Variants in TNRC6A observed in about 807,000 individuals in gnomAD.
TNRC6A encodes the protein trinucleotide repeat containing adaptor 6A.
TNRC6A carries 44 observed loss-of-function variants against 221.2 expected under a neutral mutation model. That is an observed-to-expected ratio of 0.20 (90% confidence interval 0.16 to 0.26). The LOEUF (loss-of-function observed/expected upper bound fraction) is 0.26, where lower values mean the gene tolerates loss of function less well. TNRC6A is among the 10% of genes least tolerant of loss of function. The pLI is 1.00. For synonymous variants in TNRC6A, 847 were observed against 838.5 expected (o/e 1.01, Z -0.18); for missense variants, 2,199 against 2,404.4 (o/e 0.91, Z 1.79).
At chr16:24,776,475 T>G in intron 4 of TNRC6A, 1 of 985,458 alleles carries the variant, frequency 1.0e-6, no homozygotes, top group South Asian at 4.7e-5. Context: ...TGTTCTTGTG[T>G]TGTCTTCCAA....
At chr16:24,707,303 C>T (rs1052756205) in intron 2 of TNRC6A, among the ~76,000 whole-genome samples, 33 of 151,302 alleles carry the variant, frequency 2.2e-4, no homozygotes, top group African/African-American at 8.0e-4. Flanking sequence ...GCCAGATAAA[C>T]AATTTAAATG....
At chr16:24,647,990 G>A (rs1417285776) in intron 2 of TNRC6A, among the ~76,000 whole-genome samples, 2 of 151,914 alleles carry the variant, frequency 1.3e-5, no homozygotes, top group Non-Finnish European at 2.9e-5. Flanking sequence ...TCTTTTGTTG[G>A]GCTTATTTCA....
chr16:24,698,178 AAG>A (rs1383293855), intron 2 of TNRC6A, among the ~76,000 whole-genome samples: 1 of 152,146 alleles, frequency 6.6e-6, no homozygotes, highest in Non-Finnish European at 1.5e-5. Context: ...AAAAATTAAA[AAG>A]AAAACAAAAA....
At chr16:24,717,758 C>CTTTTTT in intron 2 of TNRC6A, among the ~76,000 whole-genome samples, 1 of 116,826 alleles carries the variant, frequency 8.6e-6, no homozygotes, top group Non-Finnish European at 1.8e-5. Context: ...CAAGGTTCAT[C>CTTTTTT]TTTTTTTTTT....
At chr16:24,820,060 A>G in intron 21 of TNRC6A, 79 bp from the exon 22 acceptor site, 1 of 1,325,636 alleles carries the variant, frequency 7.5e-7, no homozygotes, top group Non-Finnish European at 1.1e-6. Context: ...TTTTTGTGGG[A>G]GAATGGATGT....
At position 24,771,561 on chromosome 16, in the gene TNRC6A, T is replaced by TATGTTATGTTATGTTTTATG. The variant is rs1555502085; in HGVS notation, c.164-5372_164-5371insATGTTATGTTATGTTTTATG. Reference sequence around the variant, plus strand: ...TATGTTATGTTATGTTATGTTATGTTTTATGTTATGTTATGTTATGTTGTT... The same window carrying TATGTTATGTTATGTTTTATG: ...TATGTTATGTTATGTTATGTTATGTTATGTTATGTTATGTTTTATGTTATGTTATGTTATGTTATGTTGTT... On this transcript the variant is annotated intron_variant, in intron 4 of 24. Coordinates refer to ENST00000395799, the MANE Select transcript of TNRC6A (RefSeq NM_014494.4). Among the ~76,000 whole-genome samples the TATGTTATGTTATGTTTTATG allele has an allele frequency of 1.7e-3, 168 of 99,150 alleles. 1 individual carries two copies. Among genetic ancestry groups the TATGTTATGTTATGTTTTATG allele is most frequent in the Middle Eastern group, 5.0e-3 (1 of 202 alleles). 65.0% of individuals were successfully genotyped at this position (99,150 alleles called of 152,430 possible).
At chr16:24,805,364 C>A (rs1276843683) in intron 14 of TNRC6A, 5 of 951,034 alleles carry the variant, frequency 5.3e-6, no homozygotes, top group East Asian at 2.6e-5. Context: ...TTAAAACATT[C>A]TTGAGAGTAG....
intron 2 of TNRC6A, among the ~76,000 whole-genome samples, chr16:24,722,882 C>A (rs934110314): frequency 6.6e-6 from 1 of 152,036 alleles, no homozygotes; most frequent in African/African-American, 2.4e-5. Context: ...AGAGACCAGA[C>A]GAGTTGCTTA....
chr16:24,753,742 T>C (rs1486634292), intron 3 of TNRC6A, among the ~76,000 whole-genome samples: 1 of 152,270 alleles, frequency 6.6e-6, no homozygotes. Flanking sequence ...TTTATATAAA[T>C]GTTGGCACAT....
chr16:24,664,808 C>A (rs886177843), intron 2 of TNRC6A: 3 of 439,612 alleles, frequency 6.8e-6, no homozygotes, highest in African/African-American at 6.5e-5. Flanking sequence ...CACACACACA[C>A]ACACAAAACC....
chr16:24,783,904 T>C (rs1291107177), intron 5 of TNRC6A, among the ~76,000 whole-genome samples: 1 of 152,268 alleles, frequency 6.6e-6, no homozygotes, highest in East Asian at 1.9e-4. Flanking sequence ...AATCTCTGAC[T>C]CTGAAACATA....
At chr16:24,651,422 C>G (rs1902643204) in intron 2 of TNRC6A, among the ~76,000 whole-genome samples, 1 of 151,300 alleles carries the variant, frequency 6.6e-6, no homozygotes, top group African/African-American at 2.4e-5. Flanking sequence ...CCTGTAATCC[C>G]AGCTACTCAG....
intron 11 of TNRC6A, chr16:24,798,261 T>C: frequency 4.5e-6 from 1 of 221,762 alleles, no homozygotes; most frequent in Non-Finnish European, 8.8e-6. Flanking sequence ...GGCCTAGATG[T>C]ATGACAGACT....
chr16:24,741,860 A>G (rs2056899333), intron 2 of TNRC6A, among the ~76,000 whole-genome samples: 1 of 152,036 alleles, frequency 6.6e-6, no homozygotes, highest in African/African-American at 2.4e-5. Context: ...TTTGGGGGAC[A>G]TGGTCTTGCT....
At chr16:24,752,606 C>T (rs940838653) in intron 3 of TNRC6A, among the ~76,000 whole-genome samples, 9 of 152,078 alleles carry the variant, frequency 5.9e-5, no homozygotes, top group African/African-American at 1.7e-4. Context: ...GGTCATTGCT[C>T]GAGATTTCTT....
chr16:24,793,766 C>T, intron 7 of TNRC6A, 117 bp downstream of exon 7: 5 of 876,380 alleles, frequency 5.7e-6, no homozygotes, highest in Non-Finnish European at 7.6e-6. Context: ...TATAATGTAA[C>T]ATGATAGATG....
At chr16:24,615,892 T>G (rs952779477) in intron 1 of TNRC6A, among the ~76,000 whole-genome samples, 1 of 117,246 alleles carries the variant, frequency 8.5e-6, no homozygotes, top group Non-Finnish European at 1.6e-5. Context: ...CCCTACATGC[T>G]CTAAATTTTT....
intron 1 of TNRC6A, among the ~76,000 whole-genome samples, chr16:24,613,655 G>A (rs1429782983): frequency 6.6e-6 from 1 of 151,902 alleles, no homozygotes; most frequent in African/African-American, 2.4e-5. Context: ...AGCCTCCTGA[G>A]TAGCTGGGAT....
At chr16:24,616,118 G>C (rs1900329218) in intron 1 of TNRC6A, among the ~76,000 whole-genome samples, 1 of 151,960 alleles carries the variant, frequency 6.6e-6, no homozygotes, top group African/African-American at 2.4e-5. Flanking sequence ...CCTGAGCCCA[G>C]GAGTTCTAGA....
Sources: gnomAD v4.1 joint callset for allele counts (sites outside exome capture counted in the v4.1 genomes callset) on GRCh38, gnomAD v4.1.1 for gene constraint, MANE v1.5 for transcripts, NCBI Gene and HGNC (gene_info 2026-07-23, HGNC 2026-07-21) for gene names.